The following CDON variants were observed in gnomAD, a reference collection of about 807,000 sequenced individuals.
CDON encodes cell adhesion molecule-related/down-regulated by oncogenes.
A neutral mutation model predicts 120.9 loss-of-function variants in CDON; 73 were observed. That is an observed-to-expected ratio of 0.60 (90% CI 0.50 to 0.73). The LOEUF is 0.73. Ranked by LOEUF, CDON falls within the 30% of genes least tolerant of loss-of-function variation. CDON has a pLI of 0.00. For missense variants in CDON, 1,470 were observed against 1,587.3 expected, an observed-to-expected ratio of 0.93 and a Z score of 1.26; for synonymous variants, 566 against 573.5, an observed-to-expected ratio of 0.99 and a Z score of 0.19.
chr11:125,997,500 G>T, intron 11 of CDON, 90 bp from the exon 12 acceptor site: 1 of 1,000,630 alleles, frequency 1.0e-6, no homozygotes, highest in Non-Finnish European at 1.5e-6. Context: ...CAAACTTCAT[G>T]TTATTAAAGG....
At chr11:126,017,635 A>G (rs942077283) in intron 5 of CDON, among the ~76,000 whole-genome samples, 5 of 151,708 alleles carry the variant, frequency 3.3e-5, no homozygotes, top group Admixed American at 1.3e-4. Flanking sequence ...TGCTACCTCA[A>G]CTCAACCGCC....
chr11:126,015,347 TC>T lies in CDON; in HGVS notation c.1091del (p.Gly364AspfsTer2). On this transcript the variant is annotated frameshift_variant, in exon 7 of 20. Transcript: ENST00000531738. LOFTEE classifies it high-confidence loss of function. ...PSARHLTAGN[G>X]LKISGVTVED... ...CCACAGTAACCCCACTGATTTTCAGTCCGTTTCCTGCAGTTAGATGTCGTGC... is the reference window on the plus strand; with the variant it reads ...CCACAGTAACCCCACTGATTTTCAGTCGTTTCCTGCAGTTAGATGTCGTGC... The T allele has an allele frequency of 6.2e-7, 1 of 1,614,126 alleles. No individual in the cohort carries two copies. The highest frequency in any genetic ancestry group is 8.5e-7 in the Non-Finnish European group (1 of 1,180,022).
chr11:125,969,807 C>CA (rs1238041123), intron 18 of CDON, among the ~76,000 whole-genome samples: 2 of 151,928 alleles, frequency 1.3e-5, no homozygotes, highest in Non-Finnish European at 2.9e-5. Context: ...TGTGGTATCA[C>CA]AAAAAATAAT....
chr11:126,022,979 C>T (rs1012019538), intron 2 of CDON, among the ~76,000 whole-genome samples: 1 of 152,148 alleles, frequency 6.6e-6, no homozygotes, highest in Admixed American at 6.5e-5. Flanking sequence ...GAGAAAGTGG[C>T]AGACCTGGGA....
chr11:126,009,280 G>A lies in CDON; in HGVS notation c.1552+1061C>T, dbSNP rs544714182. Among the ~76,000 whole-genome samples, 20 of 152,300 alleles carry A rather than the reference G, an allele frequency of 1.3e-4. No homozygotes were observed. The South Asian group carries it at 4.1e-3, about 32-fold the overall frequency. On this transcript the variant is annotated intron_variant, in intron 8 of 19. Transcript: ENST00000531738. ...CCTTGTTTGCACGTGAAGGGAAATC[G>A]TATGTGCACATACGAACTCTTTTTT...
In CDON at chr11:126,021,506, A is replaced by G; in HGVS notation, c.91T>C (p.Phe31Leu). The G allele has an allele frequency of 6.2e-7, 1 of 1,614,058 alleles. No homozygotes were observed. The highest frequency in any genetic ancestry group is 1.1e-5 in the South Asian group (1 of 91,050). The change falls in exon 3 of 20, where the codon TTT (phenylalanine) becomes CTT (leucine). Residue 31 changes from phenylalanine (F) to leucine (L), a missense_variant. Transcript: ENST00000531738. The part of the protein sequence containing the change: ...SSVSSDLAPY[F>L]TSEPLSAVQK... ...ACAGCAGAGAGCGGCTCAGAAGTAA[A>G]ATAAGGTGCCAAGTCTACAAGGGAA...
At chr11:126,005,301 CAAAAAA>C in intron 9 of CDON, 1 of 110,998 alleles carries the variant, frequency 9.0e-6, no homozygotes, top group Non-Finnish European at 1.6e-5. Context: ...AACCCTGTCT[CAAAAAA>C]AAAAAAAAAA....
At chr11:126,043,284 T>TGA (rs1190312365) in intron 1 of CDON, among the ~76,000 whole-genome samples, 3 of 151,820 alleles carry the variant, frequency 2.0e-5, no homozygotes, top group Admixed American at 6.6e-5. Flanking sequence ...TTAACTGACA[T>TGA]GAGATGAGCA....
chr11:125,992,879 A>G (rs548569969), intron 14 of CDON, among the ~76,000 whole-genome samples: 1 of 152,320 alleles, frequency 6.6e-6, no homozygotes, highest in Non-Finnish European at 1.5e-5. Flanking sequence ...TCTTATTTCA[A>G]AGAATCAGAA....
intron 17 of CDON, 41 bp downstream of exon 17, chr11:125,981,008 T>G (rs748780661): frequency 1.2e-6 from 2 of 1,608,258 alleles, no homozygotes; most frequent in Non-Finnish European, 8.5e-7. Flanking sequence ...CTTGGCACCC[T>G]GAGGGACAGA....
rs990226332 is a variant in CDON at position 126,034,548 on chromosome 11, A to C, written c.-61-11011T>G. Among the ~76,000 whole-genome samples the C allele has an allele frequency of 3.9e-5, 6 of 152,122 alleles. No individual in the cohort carries two copies. Among genetic ancestry groups the C allele is most frequent in the Admixed American group, 2.0e-4 (3 of 15,280 alleles). ...CAATATTTGTGTGTTTAAAAAAAAAAGTCAAGTGTTCCTGTTCCACTCTCT... is the reference window on the plus strand; with the variant it reads ...CAATATTTGTGTGTTTAAAAAAAAACGTCAAGTGTTCCTGTTCCACTCTCT... On this transcript the variant is annotated intron_variant, in intron 1 of 19. Transcript: ENST00000531738. This position sits in a 1 kb window ranked among gnomAD's most constrained non-coding sequence, Gnocchi z 4.5.
In CDON at chr11:126,032,700, A is replaced by T. The variant is rs543797672; in HGVS notation, c.-61-9163T>A. Among the ~76,000 whole-genome samples, 47 of 152,318 alleles carry T rather than the reference A, an allele frequency of 3.1e-4. 1 individual carries two copies. Among genetic ancestry groups the T allele is most frequent in the African/African-American group, 1.1e-3 (46 of 41,566 alleles). On this transcript the variant is annotated intron_variant, in intron 1 of 19. Transcript: ENST00000531738. ...AAGGTTTTTCAAAAATTTTTAAGAC[A>T]CGGTCATATTTAAAAGACGTAAGAG...
At chr11:125,970,354 T>C (rs1304116886) in intron 18 of CDON, among the ~76,000 whole-genome samples, 1 of 152,020 alleles carries the variant, frequency 6.6e-6, no homozygotes. Context: ...TTTGTTTTTT[T>C]AGTAGAGATG....
intron 1 of CDON, among the ~76,000 whole-genome samples, chr11:126,025,978 T>C (rs1480674238): frequency 6.6e-6 from 1 of 152,232 alleles, no homozygotes; most frequent in Non-Finnish European, 1.5e-5. Flanking sequence ...CAGCACCCAA[T>C]ACTCTCTTAT....
At position 125,961,743 on chromosome 11, in the gene CDON, A is replaced by T; in HGVS notation, c.3612T>A (p.Asp1204Glu). The T allele has an allele frequency of 1.9e-6, 3 of 1,614,132 alleles. No homozygotes were observed. Among genetic ancestry groups the T allele is most frequent in the Non-Finnish European group, 2.5e-6 (3 of 1,179,972 alleles). The stretch of plus-strand genomic sequence containing the variant: ...CCTGACCTCTGCTGAACTCTGCTGG[A>T]TCTTCTGAGCCATCAGAGCTGACGT... ...VNDVSSDGSE[D>E]PAEFSRGDSC... The change falls in exon 19 of 20, where the codon GAT becomes GAA. Residue 1204 changes from aspartate (D) to glutamate (E), a missense_variant. Physicochemically the swap from Asp to Glu is conservative, Grantham distance 45. Coordinates refer to ENST00000531738, the MANE Select transcript of CDON (RefSeq NM_001378964.1).
intron 1 of CDON, among the ~76,000 whole-genome samples, chr11:126,039,547 C>CA (rs1948197560): frequency 1.3e-5 from 2 of 152,078 alleles, no homozygotes; most frequent in African/African-American, 2.4e-5. Context: ...AGATCAGTGT[C>CA]AAAAAACAAC....
intron 8 of CDON, among the ~76,000 whole-genome samples, chr11:126,007,151 G>A (rs1029832044): frequency 3.3e-5 from 5 of 152,234 alleles, no homozygotes; most frequent in African/African-American, 1.2e-4. Context: ...TGGAGGAAGA[G>A]TGCAGAGCAA....
At chr11:126,044,149 C>G (rs1948339078) in intron 1 of CDON, among the ~76,000 whole-genome samples, 1 of 152,194 alleles carries the variant, frequency 6.6e-6, no homozygotes, top group South Asian at 2.1e-4. Context: ...TAGGAAACGA[C>G]CTTACACAAA....
In CDON at chr11:126,005,913, G is replaced by A. The variant is rs147062062; in HGVS notation, c.1697C>T (p.Ala566Val). The stretch of plus-strand genomic sequence containing the variant: ...GATGCCGCTGGCGTTTTTCTCTGGT[G>A]CTGATTCCACTGCACTGGGATGGAC... ...VKVHPSAVES[A>V]PEKNASGISV... The change falls in exon 9 of 20, where the codon GCA (alanine) becomes GTA (valine). Residue 566 changes from alanine (A) to valine (V), a missense_variant. Ala to Val is a moderately conservative substitution (Grantham distance 64). Transcript: ENST00000531738. 3.1e-6 allele frequency: 5 copies of A among 1,614,028 alleles called. No homozygotes were observed. Among genetic ancestry groups the A allele is most frequent in the South Asian group, 2.2e-5 (2 of 91,084 alleles).
Sources: allele counts gnomAD v4.1 joint callset (sites outside exome capture counted in the v4.1 genomes callset), GRCh38; gene constraint gnomAD v4.1.1; non-coding constraint Gnocchi (gnomAD v3.1); transcripts MANE v1.5; gene names NCBI Gene and HGNC (gene_info 2026-07-23, HGNC 2026-07-21).